Variants in OPRK1 observed in about 807,000 individuals in gnomAD.
OPRK1 encodes the protein kappa-type opioid receptor.
In OPRK1, 15 loss-of-function variants were observed where a neutral mutation model predicts 24.5. The ratio of observed to expected loss-of-function variants is 0.61; its 90% CI spans 0.41 to 0.94. The LOEUF (loss-of-function observed/expected upper bound fraction) is 0.94. Ranked by LOEUF, OPRK1 falls within the 40% of genes least tolerant of loss-of-function variation. The pLI is 0.00. For synonymous variants in OPRK1, 205 were observed against 198.0 expected (o/e 1.04, Z -0.30); for missense variants, 479 against 507.3 (o/e 0.94, Z 0.54).
chr8:53,245,479 C>T (rs1417503736), intron 2 of OPRK1, among the ~76,000 whole-genome samples: 1 of 152,156 alleles, frequency 6.6e-6, no homozygotes, highest in Non-Finnish European at 1.5e-5. Flanking sequence ...CTTAACCCAC[C>T]CAGTCTGCGG....
intron 2 of OPRK1, among the ~76,000 whole-genome samples, chr8:53,243,485 T>C (rs1351748394): frequency 6.6e-6 from 1 of 152,234 alleles, no homozygotes; most frequent in African/African-American, 2.4e-5. Flanking sequence ...TTAGGACCTC[T>C]ATACCTGATC....
Position 53,229,516 on chromosome 8 carries a change from A to G in OPRK1, c.924T>C (p.Ala308=). 2 of 1,614,200 alleles carry G rather than the reference A, an allele frequency of 1.2e-6. No individual in the cohort carries two copies. The highest frequency in any genetic ancestry group is 1.7e-6 in the Non-Finnish European group (2 of 1,180,028). The stretch of plus-strand genomic sequence containing the variant: ...CGATGCAGAAGTAATAGCTGGAGAG[A>G]GCAGCTGTGCTGTGGGAGGTGCTCC... ...ALGSTSHSTA[A]LSSYYFCIAL... The change falls in exon 4 of 4, where the codon GCT becomes GCC. Residue 308 remains alanine (A), a synonymous_variant. Transcript: ENST00000265572.
chr8:53,241,381 T>C (rs540248499), intron 2 of OPRK1, among the ~76,000 whole-genome samples: 2 of 152,122 alleles, frequency 1.3e-5, no homozygotes, highest in South Asian at 2.1e-4. Context: ...GGGTTTTTTT[T>C]CTAAAGGGGC....
Position 53,228,531 on chromosome 8 carries a change from A to T in OPRK1, c.*766T>A, listed in dbSNP as rs1806769851. ...TACTATTATTTACAGAAGATACTAT[A>T]TATATATTTTCAGTGGTATTCACAC... On this transcript the variant is annotated 3_prime_UTR_variant, in exon 4 of 4. Coordinates refer to ENST00000265572, the MANE Select transcript of OPRK1 (RefSeq NM_000912.5). 1 of 152,142 alleles carries T rather than the reference A, an allele frequency of 6.6e-6. No homozygotes were observed. The highest frequency in any genetic ancestry group is 2.4e-5 in the African/African-American group (1 of 41,436). 9.4% of individuals were successfully genotyped at this position (152,142 alleles called of 1,614,324 possible). A position where few individuals can be genotyped will look rare whatever the true frequency, so the allele number is the denominator to read the frequency against.
intron 2 of OPRK1, among the ~76,000 whole-genome samples, chr8:53,248,208 T>A (rs1353168803): frequency 6.6e-6 from 1 of 151,972 alleles, no homozygotes; most frequent in African/African-American, 2.4e-5. Context: ...AATCAGAAGA[T>A]ACGAGGCAGC....
intron 2 of OPRK1, chr8:53,242,855 C>G (rs1174718185): frequency 2.7e-5 from 35 of 1,283,084 alleles, no homozygotes; most frequent in Middle Eastern, 2.1e-4. Context: ...TCACACCAGT[C>G]CCTTTGGGAT....
Position 53,229,513 on chromosome 8 carries a change from G to A in OPRK1, c.927C>T (p.Leu309=). The change falls in exon 4 of 4, where the codon CTC becomes CTT. Residue 309 remains leucine (L), a synonymous_variant. Transcript: ENST00000265572. Reference sequence around the variant, plus strand: ...AGGCGATGCAGAAGTAATAGCTGGAGAGAGCAGCTGTGCTGTGGGAGGTGC... The same window carrying A: ...AGGCGATGCAGAAGTAATAGCTGGAAAGAGCAGCTGTGCTGTGGGAGGTGC... ...LGSTSHSTAA[L]SSYYFCIALG... is the part of the protein sequence containing the mutation. 2 of 1,614,234 alleles carry A rather than the reference G, an allele frequency of 1.2e-6. No individual in the cohort carries two copies. The highest frequency in any genetic ancestry group is 2.2e-5 in the South Asian group (2 of 91,082).
intron 2 of OPRK1, among the ~76,000 whole-genome samples, chr8:53,248,835 C>A (rs1807299636): frequency 6.6e-6 from 1 of 152,158 alleles, no homozygotes; most frequent in Non-Finnish European, 1.5e-5. Context: ...GCTTTTCATT[C>A]ATCATCAAAC....
At chr8:53,245,629 G>C (rs142683738) in intron 2 of OPRK1, among the ~76,000 whole-genome samples, 12 of 152,210 alleles carry the variant, frequency 7.9e-5, no homozygotes, top group Non-Finnish European at 1.3e-4. Flanking sequence ...GAGAGAGAGA[G>C]ATAATTAGAT....
intron 2 of OPRK1, among the ~76,000 whole-genome samples, chr8:53,244,140 A>G (rs1426539361): frequency 6.6e-6 from 1 of 152,182 alleles, no homozygotes; most frequent in Non-Finnish European, 1.5e-5. Context: ...ACAGCCACAT[A>G]GTTCTGGTGA....
At chr8:53,238,626 C>T in intron 2 of OPRK1, 5 of 985,424 alleles carry the variant, frequency 5.1e-6, no homozygotes, top group Non-Finnish European at 6.0e-6. Context: ...TAACTCAAGA[C>T]CATCCTAGCG....
At position 53,226,331 on chromosome 8, in the gene OPRK1, T is replaced by TA. The variant is rs1806684934; in HGVS notation, c.*2965dup. 6.6e-6 allele frequency: 1 copy of TA among 152,192 alleles called. No homozygotes were observed. Among genetic ancestry groups the TA allele is most frequent in the South Asian group, 2.1e-4 (1 of 4,828 alleles). The allele number at this position is 152,192 out of a possible 1,614,324, so 9.4% of individuals were successfully genotyped here. ...AGAGTGTTTCCACTCTCCTCCCAGT[T>TA]AGAGTGGGGGGTTTCCTCCTCAGTG... On this transcript the variant is annotated 3_prime_UTR_variant, in exon 4 of 4. Transcript: ENST00000265572.
At chr8:53,238,502 G>T in intron 2 of OPRK1, 1 of 981,290 alleles carries the variant, frequency 1.0e-6, no homozygotes, top group Non-Finnish European at 1.2e-6. Context: ...GGGGCAGGCC[G>T]GGAAAGAGGG....
intron 2 of OPRK1, among the ~76,000 whole-genome samples, chr8:53,245,618 G>A (rs1807210507): frequency 6.6e-6 from 1 of 152,078 alleles, no homozygotes; most frequent in Non-Finnish European, 1.5e-5. Context: ...TGGATAACTG[G>A]GAGAGAGAGA....
chr8:53,229,835 G>A lies in OPRK1; in HGVS notation c.611-6C>T, dbSNP rs763492424. On this transcript the variant is annotated splice_region_variant and splice_polypyrimidine_tract_variant and intron_variant, in intron 3 of 3. Coordinates refer to ENST00000265572, the MANE Select transcript of OPRK1 (RefSeq NM_000912.5). ...GCACTCAATGACATCGACGTCTGGA[G>A]GAGGGCAATAAAAACCACAACACAG... 1.3e-6 allele frequency: 2 copies of A among 1,536,250 alleles called. No individual in the cohort carries two copies. Among genetic ancestry groups the A allele is most frequent in the Admixed American group, 4.3e-5 (2 of 46,808 alleles).
At chr8:53,251,265 G>A in intron 1 of OPRK1, 180 bp from the exon 2 acceptor site, 2 of 646,662 alleles carry the variant, frequency 3.1e-6, no homozygotes, top group Non-Finnish European at 4.9e-6. Flanking sequence ...CTGGGTGCCA[G>A]AGAGGGGCGA....
rs74328136 is a variant in OPRK1 at position 53,240,285 on chromosome 8, G to C, written c.258-5174C>G. Among the ~76,000 whole-genome samples, 31 of 152,070 alleles carry C rather than the reference G, an allele frequency of 2.0e-4. 2 individuals are homozygous for C. In the East Asian group the frequency reaches 6.0e-3, roughly 29 times the overall value. Reference sequence around the variant, plus strand: ...ACTTCAGCTCCAATATAATAAAAAAGAAAAAGGAAACAAAACAAAACAAAA... The same window carrying C: ...ACTTCAGCTCCAATATAATAAAAAACAAAAAGGAAACAAAACAAAACAAAA... On this transcript the variant is annotated intron_variant, in intron 2 of 3. Coordinates refer to ENST00000265572, the MANE Select transcript of OPRK1 (RefSeq NM_000912.5).
intron 3 of OPRK1, among the ~76,000 whole-genome samples, chr8:53,232,328 C>G (rs1433136114): frequency 6.6e-6 from 1 of 151,950 alleles, no homozygotes; most frequent in Non-Finnish European, 1.5e-5. Flanking sequence ...TTCAGTAGCA[C>G]AAGAAGGTGA....
At position 53,250,905 on chromosome 8, in the gene OPRK1, C is replaced by T; in HGVS notation, c.133G>A (p.Glu45Lys). ...TGCGCGGGCTCCAGCTGCGCGTCCT[C>T]CGAGCCGGCGCTGCCGTTGCTGTCG... ...EPDSNGSAGS[E>K]DAQLEPAHIS... Residue 45 changes from glutamate (E) to lysine (K), a missense_variant, in exon 2 of 4, where the codon GAG (glutamate) becomes AAG (lysine). Physicochemically the swap from Glu to Lys is moderately conservative, Grantham distance 56 (BLOSUM62 1). Coordinates refer to ENST00000265572, the MANE Select transcript of OPRK1 (RefSeq NM_000912.5). 6.2e-7 allele frequency: 1 copy of T among 1,611,436 alleles called. No homozygotes were observed. The highest frequency in any genetic ancestry group is 1.1e-5 in the South Asian group (1 of 90,986).
Sources: gnomAD v4.1 joint callset for allele counts (sites outside exome capture counted in the v4.1 genomes callset) on GRCh38, gnomAD v4.1.1 for gene constraint, MANE v1.5 for transcripts, NCBI Gene and HGNC (gene_info 2026-07-23, HGNC 2026-07-21) for gene names.